GYS2: variants seen among roughly 807,000 people sequenced by gnomAD.
The protein encoded by GYS2 is glycogen [starch] synthase, liver.
A neutral mutation model predicts 85.6 loss-of-function variants in GYS2; 80 were observed. The observed-to-expected ratio is 0.93, with a 90% CI of 0.78 to 1.13. The LOEUF (loss-of-function observed/expected upper bound fraction) is 1.13, where lower values mean the gene tolerates loss of function less well. GYS2 is among the 50% of genes most tolerant of loss of function. The pLI is 0.00. For missense variants in GYS2, 881 were observed against 854.9 expected, an observed-to-expected ratio of 1.03 and a Z score of -0.38; for synonymous variants, 328 against 300.7, an observed-to-expected ratio of 1.09 and a Z score of -0.94.
chr12:21,541,011 A>C, intron 13 of GYS2, among the ~76,000 whole-genome samples: 1 of 152,032 alleles, frequency 6.6e-6, no homozygotes, highest in Non-Finnish European at 1.5e-5. Flanking sequence ...GGTAGCTCAC[A>C]CCTGTAATCC....
chr12:21,604,736 T>A lies in GYS2; in HGVS notation c.-144A>T. 6.8e-6 allele frequency: 10 copies of A among 1,481,192 alleles called. No homozygotes were observed. The highest frequency in any genetic ancestry group is 9.0e-6 in the Non-Finnish European group (10 of 1,111,330). 91.8% of individuals were successfully genotyped at this position (1,481,192 alleles called of 1,614,324 possible). A position where few individuals can be genotyped will look rare whatever the true frequency, so the allele number is the denominator to read the frequency against. On this transcript the variant is annotated 5_prime_UTR_variant, in exon 1 of 16. The change abolishes an upstream ATG in the 5' untranslated region. Coordinates refer to ENST00000261195, the MANE Select transcript of GYS2 (RefSeq NM_021957.4). Reference sequence around the variant, plus strand: ...TTCTCTTGGGAATAAACTAGTAGCATGAAATCTTATGTGCTTCCCACAGAA... The same window carrying A: ...TTCTCTTGGGAATAAACTAGTAGCAAGAAATCTTATGTGCTTCCCACAGAA...
intron 1 of GYS2, among the ~76,000 whole-genome samples, chr12:21,582,975 T>C (rs1944529546): frequency 6.6e-6 from 1 of 152,000 alleles, no homozygotes; most frequent in Non-Finnish European, 1.5e-5. Flanking sequence ...CATAGTGAAG[T>C]TGGTTGGTTG....
At chr12:21,543,028 C>T (rs991733502) in intron 12 of GYS2, among the ~76,000 whole-genome samples, 3 of 152,142 alleles carry the variant, frequency 2.0e-5, no homozygotes, top group Non-Finnish European at 2.9e-5. Context: ...GTTTTGGATG[C>T]GACCAGCTTC....
intron 5 of GYS2, among the ~76,000 whole-genome samples, chr12:21,568,361 T>C (rs1944347382): frequency 6.6e-6 from 1 of 152,178 alleles, no homozygotes; most frequent in Non-Finnish European, 1.5e-5. Flanking sequence ...GGCCATGTCT[T>C]ATGAGCATGA....
chr12:21,568,210 A>G (rs937793645), intron 5 of GYS2, among the ~76,000 whole-genome samples: 2 of 152,348 alleles, frequency 1.3e-5, no homozygotes, highest in East Asian at 3.9e-4. Flanking sequence ...AAAAATGAAC[A>G]CTACCAATAG....
chr12:21,557,711 T>A (rs928452925), intron 11 of GYS2, among the ~76,000 whole-genome samples: 8 of 151,928 alleles, frequency 5.3e-5, no homozygotes, highest in African/African-American at 1.5e-4. Flanking sequence ...CATCCTGGCT[T>A]ACATGGTGAA....
At chr12:21,565,756 C>T (rs1944312726) in intron 5 of GYS2, among the ~76,000 whole-genome samples, 1 of 151,660 alleles carries the variant, frequency 6.6e-6, no homozygotes, top group African/African-American at 2.4e-5. Context: ...ATAATTTTTT[C>T]CTTTCCCTGG....
Position 21,563,013 on chromosome 12 carries a change from T to G in GYS2, c.967A>C (p.Thr323Pro). ...CTCCCAGCAATGAAAAGGAACAAAG[T>G]CTTTTCAAGATCAAAGTCGAGATGA... ...YGHLDFDLEK[T>P]LFLFIAGRYE... Residue 323 changes from threonine to proline, a missense_variant, in exon 7 of 16, where the codon ACT becomes CCT. By Grantham distance (38) the Thr-to-Pro change is conservative. Transcript: ENST00000261195. 1.9e-6 allele frequency: 3 copies of G among 1,612,302 alleles called. No individual in the cohort carries two copies. Among genetic ancestry groups the G allele is most frequent in the Non-Finnish European group, 2.5e-6 (3 of 1,178,472 alleles).
intron 13 of GYS2, among the ~76,000 whole-genome samples, chr12:21,540,952 G>T (rs1473735041): frequency 6.6e-6 from 1 of 152,100 alleles, no homozygotes; most frequent in Non-Finnish European, 1.5e-5. Context: ...TCTAGCCTGA[G>T]GAAAGAGCCA....
intron 4 of GYS2, among the ~76,000 whole-genome samples, chr12:21,572,405 G>A (rs762981873): frequency 6.6e-6 from 1 of 152,134 alleles, no homozygotes; most frequent in African/African-American, 2.4e-5. Context: ...ATTAAACTAT[G>A]ACTTCTTCCT....
intron 7 of GYS2, among the ~76,000 whole-genome samples, chr12:21,562,469 T>C (rs1484995279): frequency 2.6e-5 from 4 of 152,134 alleles, no homozygotes; most frequent in Non-Finnish European, 5.9e-5. Flanking sequence ...GGTTCAGTAT[T>C]AGGATGCGTA....
rs1217042662 is a variant in GYS2, at chr12:21,536,207, A to G, written c.*747T>C. The G allele has an allele frequency of 2.0e-5, 3 of 152,214 alleles. No homozygotes were observed. Among genetic ancestry groups the G allele is most frequent in the Non-Finnish European group, 4.4e-5 (3 of 68,052 alleles). 9.4% of individuals were successfully genotyped at this position (152,214 alleles called of 1,614,324 possible). Reference sequence around the variant, plus strand: ...GTGAAAGTTAAGTTATTAAATATTAATGTGTTTATTTACTTGGATTTTACA... The same window carrying G: ...GTGAAAGTTAAGTTATTAAATATTAGTGTGTTTATTTACTTGGATTTTACA... On this transcript the variant is annotated 3_prime_UTR_variant, in exon 16 of 16. Transcript: ENST00000261195.
chr12:21,578,588 C>T (rs11046127), intron 2 of GYS2, among the ~76,000 whole-genome samples: 20,059 of 152,122 alleles, frequency 0.13, 1,427 homozygotes, highest in African/African-American at 0.15. Context: ...AGTTTCTACA[C>T]TTGCCTTTTA....
At chr12:21,569,155 A>G in intron 4 of GYS2, 146 bp from the exon 5 acceptor site, 1 of 734,630 alleles carries the variant, frequency 1.4e-6, no homozygotes, top group Non-Finnish European at 2.4e-6. Flanking sequence ...CTTGAATTAA[A>G]CCCATTACTA....
At chr12:21,560,602 G>C (rs1463597952) in intron 7 of GYS2, 110 bp from the exon 8 acceptor site, 2 of 713,328 alleles carry the variant, frequency 2.8e-6, no homozygotes, top group Admixed American at 1.9e-5. Context: ...GTAGATAAAA[G>C]GTATAGTTAT....
rs1944075602 is a variant in GYS2 at position 21,549,069 on chromosome 12, T to G, written c.1423-2599A>C. 2.0e-5 allele frequency among the ~76,000 whole-genome samples: 3 copies of G among 151,750 alleles called. No individual in the cohort carries two copies. In the South Asian group the frequency reaches 6.2e-4, roughly 32 times the overall value. Reference sequence around the variant, plus strand: ...TCAGGTTTAGCCTTAAAATGTGTTGTACCTGTAGCCATTACAATGTGAGTG... The same window carrying G: ...TCAGGTTTAGCCTTAAAATGTGTTGGACCTGTAGCCATTACAATGTGAGTG... On this transcript the variant is annotated intron_variant, in intron 11 of 15. Transcript: ENST00000261195.
At position 21,568,992 on chromosome 12, in the gene GYS2, C is replaced by G. The variant is rs764507219; in HGVS notation, c.696G>C (p.Glu232Asp). 6.2e-7 allele frequency: 1 copy of G among 1,614,134 alleles called. No individual in the cohort carries two copies. The highest frequency in any genetic ancestry group is 1.7e-5 in the Admixed American group (1 of 60,024). ...GGTGGTAAATCTGCCTTTCCCCAGC[C>G]TCTTTGTCAATGTTAAACTGTTAGA... Reference protein sequence around the residue: ...NHLDKFNIDKEAGERQIYHRY... With the variant: ...NHLDKFNIDKDAGERQIYHRY... The change falls in exon 5 of 16, where the codon GAG becomes GAC. Residue 232 changes from glutamate to aspartate, a missense_variant. Transcript: ENST00000261195.
At chr12:21,557,511 T>G (rs1045504725) in intron 11 of GYS2, among the ~76,000 whole-genome samples, 3 of 152,240 alleles carry the variant, frequency 2.0e-5, no homozygotes, top group East Asian at 3.8e-4. Context: ...TCCCCTTAAG[T>G]TGAACTTTAT....
intron 15 of GYS2, among the ~76,000 whole-genome samples, chr12:21,538,957 T>C (rs10841843): frequency 0.68 from 103,599 of 152,008 alleles, 36,548 homozygotes; most frequent in East Asian, 0.78. Context: ...TCACTTTCAA[T>C]TAAAGCAGTC....
Sources: allele counts gnomAD v4.1 joint callset (sites outside exome capture counted in the v4.1 genomes callset), GRCh38; gene constraint gnomAD v4.1.1; transcripts MANE v1.5; gene names NCBI Gene and HGNC (gene_info 2026-07-23, HGNC 2026-07-21).